The following PIAS1 variants were observed in gnomAD, a reference collection of about 807,000 sequenced individuals.
The protein encoded by PIAS1 is protein inhibitor of activated STAT 1.
Under a neutral mutation model 71.3 loss-of-function variants are expected in PIAS1, and 6 were observed. That is an observed-to-expected ratio of 0.08 (90% CI 0.05 to 0.17). The LOEUF (loss-of-function observed/expected upper bound fraction) is 0.17, where lower values mean the gene tolerates loss of function less well. Ranked by LOEUF, PIAS1 falls within the 10% of genes least tolerant of loss-of-function variation. The pLI is 1.00. For synonymous variants in PIAS1, 303 were observed against 292.9 expected (o/e 1.03, Z -0.35); for missense variants, 555 against 793.6 (o/e 0.70, Z 3.61).
In PIAS1 at chr15:68,189,063, G is replaced by C. The variant is rs557675472; in HGVS notation, c.*1228G>C. ...TTCTGAGTATACCTATTTTCTTAGCGTATCTGCCTTGTTTATCTTTTTCTT... is the reference window on the plus strand; with the variant it reads ...TTCTGAGTATACCTATTTTCTTAGCCTATCTGCCTTGTTTATCTTTTTCTT... On this transcript the variant is annotated 3_prime_UTR_variant, in exon 14 of 14. Coordinates refer to ENST00000249636, the MANE Select transcript of PIAS1 (RefSeq NM_016166.3). 1 of 152,188 alleles carries C rather than the reference G, an allele frequency of 6.6e-6. No homozygotes were observed. The highest frequency in any genetic ancestry group is 2.1e-4 in the South Asian group (1 of 4,828). 9.4% of individuals were successfully genotyped at this position (152,188 alleles called of 1,614,324 possible).
At chr15:68,152,899 CTTTTTT>C (rs71287005) in intron 6 of PIAS1, among the ~76,000 whole-genome samples, 18 of 121,962 alleles carry the variant, frequency 1.5e-4, no homozygotes, top group African/African-American at 4.9e-4. Context: ...TTTGGCTTTT[CTTTTTT>C]TTTTTTTTTT....
chr15:68,075,171 GC>G (rs1182011612), intron 1 of PIAS1, among the ~76,000 whole-genome samples: 1 of 124,618 alleles, frequency 8.0e-6, no homozygotes, highest in Non-Finnish European at 1.6e-5. Flanking sequence ...TGCAACCTCC[GC>G]CCCCCCAGGT....
chr15:68,181,163 G>T (rs1266954185), intron 11 of PIAS1, 49 bp from the exon 12 acceptor site: 3 of 1,569,528 alleles, frequency 1.9e-6, no homozygotes, highest in African/African-American at 2.7e-5. Context: ...TGTTAACCTT[G>T]AGAGTTTAAC....
At chr15:68,115,475 T>C (rs2092558119) in intron 2 of PIAS1, among the ~76,000 whole-genome samples, 1 of 152,182 alleles carries the variant, frequency 6.6e-6, no homozygotes, top group Admixed American at 6.5e-5. Context: ...TTGAATTTTC[T>C]ACATAGGTCA....
intron 2 of PIAS1, among the ~76,000 whole-genome samples, chr15:68,141,716 T>A (rs1314434183): frequency 1.3e-5 from 2 of 152,198 alleles, no homozygotes; most frequent in Non-Finnish European, 2.9e-5. Flanking sequence ...TTATGTATTG[T>A]CTGAATTTGA....
rs969815756 is a variant in PIAS1 at position 68,070,776 on chromosome 15, A to T, written c.25-15530A>T. ...AAGTAAATATATATCATTAAAATTAATTTCACCTACTTGTAATTTTTTGAA... is the reference window on the plus strand; with the variant it reads ...AAGTAAATATATATCATTAAAATTATTTTCACCTACTTGTAATTTTTTGAA... On this transcript the variant is annotated intron_variant, in intron 1 of 13. Transcript: ENST00000249636. 4.6e-5 allele frequency among the ~76,000 whole-genome samples: 7 copies of T among 152,290 alleles called. 1 individual carries two copies. In the South Asian group the frequency reaches 6.2e-4, roughly 14 times the overall value.
rs768664251 is a variant in PIAS1 at position 68,187,547 on chromosome 15, C to T, written c.1668C>T (p.Tyr556=). ...FPFLSGDNQH[Y]NTSLLAAAAA... ...CTTTTGTTTCCCCTCCCTAGCATTA[C>T]AACACCTCCTTGCTTGCCGCTGCAG... Residue 556 remains tyrosine (Y), a synonymous_variant, in exon 14 of 14, where the codon TAC becomes TAT. Transcript: ENST00000249636. The surrounding 1 kb of genome is among the most constrained non-coding windows in gnomAD (Gnocchi z 5.3). 174 of 1,613,220 alleles carry T rather than the reference C, an allele frequency of 1.1e-4. 2 individuals are homozygous for T. In the South Asian group the frequency reaches 1.2e-3, roughly 11 times the overall value.
chr15:68,085,407 T>C (rs973633579), intron 1 of PIAS1, among the ~76,000 whole-genome samples: 4 of 152,190 alleles, frequency 2.6e-5, no homozygotes, highest in African/African-American at 9.7e-5. Flanking sequence ...ACTAAATAAG[T>C]TTGCGAACAT....
chr15:68,150,326 GA>G (rs1253616328), intron 6 of PIAS1, among the ~76,000 whole-genome samples: 1 of 151,922 alleles, frequency 6.6e-6, no homozygotes, highest in Non-Finnish European at 1.5e-5. Context: ...GAGGAGGGGG[GA>G]AATACTCTTC....
chr15:68,140,739 A>G (rs933959718), intron 2 of PIAS1, among the ~76,000 whole-genome samples: 7 of 152,198 alleles, frequency 4.6e-5, no homozygotes, highest in African/African-American at 1.4e-4. Flanking sequence ...TCTTGCAAGT[A>G]TGATCAAACT....
At chr15:68,147,575 T>C (rs1240634489) in intron 6 of PIAS1, among the ~76,000 whole-genome samples, 1 of 152,176 alleles carries the variant, frequency 6.6e-6, no homozygotes, top group Non-Finnish European at 1.5e-5. Context: ...AGTTTTCGTA[T>C]AGCCAAAACT....
rs892461183 is a variant in PIAS1, at chr15:68,102,935, CT to C, written c.469+16195del. Among the ~76,000 whole-genome samples, 15 of 147,982 alleles carry C rather than the reference CT, an allele frequency of 1.0e-4. No homozygotes were observed. The East Asian group carries it at 1.2e-3, about 12-fold the overall frequency. On this transcript the variant is annotated intron_variant, in intron 2 of 13. Coordinates refer to ENST00000249636, the MANE Select transcript of PIAS1 (RefSeq NM_016166.3). ...GAACATCCTTCTTTGATTTTTATTT[CT>C]TTTTTTTTTGAGACAGGGTCTCATT...
chr15:68,089,984 GTTC>G (rs2092319725), intron 2 of PIAS1, among the ~76,000 whole-genome samples: 1 of 151,486 alleles, frequency 6.6e-6, no homozygotes, highest in Non-Finnish European at 1.5e-5. Context: ...GGCTGAAGCA[GTTC>G]TGCCACCTCA....
At chr15:68,161,796 G>A (rs538993646) in intron 7 of PIAS1, among the ~76,000 whole-genome samples, 1 of 151,858 alleles carries the variant, frequency 6.6e-6, no homozygotes, top group Non-Finnish European at 1.5e-5. Context: ...GAGCCATGGT[G>A]GTGCACACCT....
intron 7 of PIAS1, among the ~76,000 whole-genome samples, chr15:68,164,443 A>G (rs2092943806): frequency 6.6e-6 from 1 of 152,198 alleles, no homozygotes; most frequent in South Asian, 2.1e-4. Context: ...TTAGTTGAAT[A>G]TGTCAACATA....
In PIAS1 at chr15:68,185,466, GA is replaced by G. The variant is rs1372682396; in HGVS notation, c.1662+1800del. Reference sequence around the variant, plus strand: ...CAACTTTAACCTAGATGTAGATGAGGATGACATTGAGAAGCTCCTAGATGTG... The same window carrying G: ...CAACTTTAACCTAGATGTAGATGAGGTGACATTGAGAAGCTCCTAGATGTG... On this transcript the variant is annotated intron_variant, in intron 13 of 13. Coordinates refer to ENST00000249636, the MANE Select transcript of PIAS1 (RefSeq NM_016166.3). This position sits in a 1 kb window ranked among gnomAD's most constrained non-coding sequence, Gnocchi z 4.4. Among the ~76,000 whole-genome samples, 1 of 152,206 alleles carries G rather than the reference GA, an allele frequency of 6.6e-6. No homozygotes were observed. The highest frequency in any genetic ancestry group is 1.5e-5 in the Non-Finnish European group (1 of 68,040).
intron 2 of PIAS1, among the ~76,000 whole-genome samples, chr15:68,134,937 A>C (rs1487980404): frequency 8.7e-5 from 3 of 34,450 alleles, no homozygotes; most frequent in Non-Finnish European, 2.0e-4. Flanking sequence ...GGCGCCCCCC[A>C]CCCCCCGGAC....
Position 68,123,754 on chromosome 15 carries a change from A to G in PIAS1, c.470-18192A>G, listed in dbSNP as rs73423769. Among the ~76,000 whole-genome samples, 1,002 of 152,294 alleles carry G rather than the reference A, an allele frequency of 6.6e-3. 10 individuals are homozygous for G. Among genetic ancestry groups the G allele is most frequent in the African/African-American group, 0.022 (896 of 41,582 alleles). ...AGTACCTAATTAAGTATATTCTGTG[A>G]TATTATAGAAACCTTATTTATAAAA... On this transcript the variant is annotated intron_variant, in intron 2 of 13. Transcript: ENST00000249636.
At chr15:68,106,032 A>G (rs1385427828) in intron 2 of PIAS1, among the ~76,000 whole-genome samples, 2 of 152,292 alleles carry the variant, frequency 1.3e-5, no homozygotes, top group South Asian at 2.1e-4. Flanking sequence ...CAGTTCTTCA[A>G]CTGAGGTCCA....
Sources: gnomAD v4.1 joint callset for allele counts (sites outside exome capture counted in the v4.1 genomes callset) on GRCh38, gnomAD v4.1.1 for gene constraint, Gnocchi (gnomAD v3.1) non-coding constraint, MANE v1.5 for transcripts, NCBI Gene and HGNC (gene_info 2026-07-23, HGNC 2026-07-21) for gene names.